Variants in ERI3 observed in about 807,000 individuals in gnomAD.
ERI3 encodes ERI1 exoribonuclease 3.
A neutral mutation model predicts 44.4 loss-of-function variants in ERI3; 18 were observed. The ratio of observed to expected loss-of-function variants is 0.41; its 90% CI spans 0.28 to 0.60. The LOEUF (loss-of-function observed/expected upper bound fraction) is 0.60, where lower values mean the gene tolerates loss of function less well. Ranked by LOEUF, ERI3 falls within the 20% of genes least tolerant of loss-of-function variation. The pLI, the probability that ERI3 is intolerant of heterozygous loss-of-function variation, is 0.36. For missense variants in ERI3, 294 were observed against 435.5 expected (o/e 0.68, Z 2.89); for synonymous variants, 183 against 164.8 (o/e 1.11, Z -0.84).
intron 7 of ERI3, among the ~76,000 whole-genome samples, chr1:44,283,249 G>A (rs896902266): frequency 1.3e-5 from 2 of 152,166 alleles, no homozygotes; most frequent in Non-Finnish European, 2.9e-5. Flanking sequence ...CCGTCAGCCA[G>A]CAATTACTCA....
intron 4 of ERI3, among the ~76,000 whole-genome samples, chr1:44,316,155 C>A (rs1169421755): frequency 6.6e-6 from 1 of 152,150 alleles, no homozygotes; most frequent in East Asian, 1.9e-4. Context: ...ACAGTTTAAG[C>A]CCAGTCCCAC....
chr1:44,315,016 C>T (rs1199980058), intron 4 of ERI3, among the ~76,000 whole-genome samples: 1 of 152,218 alleles, frequency 6.6e-6, no homozygotes, highest in Non-Finnish European at 1.5e-5. Context: ...CAGACACCCA[C>T]AGGCCCACCG....
At chr1:44,290,140 G>T (rs1420831889) in intron 6 of ERI3, among the ~76,000 whole-genome samples, 1 of 152,216 alleles carries the variant, frequency 6.6e-6, no homozygotes, top group African/African-American at 2.4e-5. Flanking sequence ...AAGGCTGTGG[G>T]ACCTGGATCT....
At chr1:44,262,292 G>A (rs1409081722) in intron 7 of ERI3, among the ~76,000 whole-genome samples, 1 of 152,186 alleles carries the variant, frequency 6.6e-6, no homozygotes, top group Non-Finnish European at 1.5e-5. Context: ...CAGAGGCCCA[G>A]TTCAAGGCCC....
chr1:44,338,553 T>C, intron 3 of ERI3, among the ~76,000 whole-genome samples: 1 of 152,240 alleles, frequency 6.6e-6, no homozygotes, highest in East Asian at 1.9e-4. Flanking sequence ...CAAAGTGGAC[T>C]GCAATACTTT....
At chr1:44,334,580 G>T (rs539607440) in intron 3 of ERI3, among the ~76,000 whole-genome samples, 2 of 152,296 alleles carry the variant, frequency 1.3e-5, no homozygotes, top group African/African-American at 4.8e-5. Flanking sequence ...AGTGAAAAAA[G>T]TGTTTTCAAA....
intron 7 of ERI3, among the ~76,000 whole-genome samples, chr1:44,261,479 A>C (rs551273382): frequency 1.3e-5 from 2 of 152,344 alleles, no homozygotes; most frequent in African/African-American, 2.4e-5. Context: ...AGAGAGAACA[A>C]AAGGAGAGAC....
At chr1:44,325,561 A>G (rs114869450) in intron 3 of ERI3, among the ~76,000 whole-genome samples, 2,106 of 152,358 alleles carry the variant, frequency 0.014, 47 homozygotes, top group African/African-American at 0.048. Flanking sequence ...AGAAATAAAA[A>G]TAAATTTGAA....
rs201997687 is a variant in ERI3 at position 44,255,589 on chromosome 1, T to TA, written c.832-7552dup. Among the ~76,000 whole-genome samples, 83 of 152,330 alleles carry TA rather than the reference T, an allele frequency of 5.4e-4. 1 individual carries two copies. In the East Asian group the frequency reaches 0.015, roughly 27 times the overall value. On this transcript the variant is annotated intron_variant, in intron 7 of 8. Transcript: ENST00000372257. ...TTTCCAAATCTGTATTTCTTACCCC[T>TA]ACTTGAGTGTCAGACATATATATTC...
intron 6 of ERI3, among the ~76,000 whole-genome samples, chr1:44,303,504 C>A (rs1645769628): frequency 6.6e-6 from 1 of 152,190 alleles, no homozygotes; most frequent in African/African-American, 2.4e-5. Flanking sequence ...CCTAGGGTTA[C>A]AACAGTGCTC....
intron 3 of ERI3, among the ~76,000 whole-genome samples, chr1:44,334,221 G>A (rs111336758): frequency 2.3e-4 from 35 of 152,284 alleles, no homozygotes; most frequent in African/African-American, 7.9e-4. Flanking sequence ...TCCTCCCAAC[G>A]TGCTGTGGCC....
intron 8 of ERI3, among the ~76,000 whole-genome samples, chr1:44,246,677 C>A (rs1401393978): frequency 6.6e-6 from 1 of 152,220 alleles, no homozygotes; most frequent in Non-Finnish European, 1.5e-5. Flanking sequence ...ACCTTTGGGG[C>A]AACCCAGGTG....
intron 2 of ERI3, among the ~76,000 whole-genome samples, chr1:44,342,695 G>A (rs183516118): frequency 6.7e-6 from 1 of 148,376 alleles, no homozygotes; most frequent in East Asian, 2.0e-4. Context: ...TGCCCAGGCT[G>A]CAGTGCAGCG....
intron 3 of ERI3, among the ~76,000 whole-genome samples, chr1:44,329,113 C>A (rs1173071358): frequency 1.3e-5 from 2 of 152,186 alleles, no homozygotes; most frequent in Non-Finnish European, 2.9e-5. Flanking sequence ...CAGAAAAAAA[C>A]CTTCCTCTGT....
At chr1:44,305,882 G>A (rs544447849) in intron 6 of ERI3, among the ~76,000 whole-genome samples, 1 of 152,352 alleles carries the variant, frequency 6.6e-6, no homozygotes, top group South Asian at 2.1e-4. Flanking sequence ...AAAATAAGAA[G>A]TAAGCCACAG....
At chr1:44,346,707 TAAAAGCA>T (rs1646790425) in intron 2 of ERI3, among the ~76,000 whole-genome samples, 1 of 152,150 alleles carries the variant, frequency 6.6e-6, no homozygotes. Flanking sequence ...GGAACTGCTG[TAAAAGCA>T]AGGAGTTATA....
intron 5 of ERI3, among the ~76,000 whole-genome samples, chr1:44,310,809 A>G (rs1645939393): frequency 6.6e-6 from 1 of 151,814 alleles, no homozygotes; most frequent in Admixed American, 6.6e-5. Flanking sequence ...TATGCAGACC[A>G]TGTGGTCTCT....
At chr1:44,237,022 A>G (rs926441101) in intron 8 of ERI3, among the ~76,000 whole-genome samples, 3 of 152,118 alleles carry the variant, frequency 2.0e-5, no homozygotes, top group African/African-American at 7.2e-5. Context: ...TGAGGTAGTC[A>G]AGGGCATTAA....
intron 2 of ERI3, among the ~76,000 whole-genome samples, chr1:44,347,372 C>A (rs976867926): frequency 1.3e-5 from 2 of 152,162 alleles, no homozygotes; most frequent in Non-Finnish European, 2.9e-5. Flanking sequence ...AACAAAATTC[C>A]ACAGGAGCAA....
Sources: gnomAD v4.1 joint callset for allele counts (sites outside exome capture counted in the v4.1 genomes callset) on GRCh38, gnomAD v4.1.1 for gene constraint, MANE v1.5 for transcripts, NCBI Gene and HGNC (gene_info 2026-07-23, HGNC 2026-07-21) for gene names.